TLE4: variants seen among roughly 807,000 people sequenced by gnomAD.
The protein encoded by TLE4 is transducin-like enhancer protein 4.
Under a neutral mutation model 92.8 loss-of-function variants are expected in TLE4, and 8 were observed. That is an observed-to-expected ratio of 0.09 (90% CI 0.05 to 0.16). TLE4 has a LOEUF of 0.16. Ranked by LOEUF, TLE4 falls within the 10% of genes least tolerant of loss-of-function variation. TLE4 has a pLI of 1.00. For synonymous variants in TLE4, 371 were observed against 374.1 expected (o/e 0.99, Z 0.10); for missense variants, 675 against 997.6 (o/e 0.68, Z 4.36).
At chr9:79,705,787 G>T in intron 9 of TLE4, 102 bp from the exon 10 acceptor site, 1 of 1,153,278 alleles carries the variant, frequency 8.7e-7, no homozygotes, top group Non-Finnish European at 1.3e-6. Flanking sequence ...GTTTGGTACA[G>T]CTCATCTTTA....
At chr9:79,654,100 A>G in intron 8 of TLE4, 25 bp downstream of exon 8, 1 of 1,609,262 alleles carries the variant, frequency 6.2e-7, no homozygotes, top group Non-Finnish European at 8.5e-7. Flanking sequence ...TTACAGACTA[A>G]GGAATGGCTT....
intron 8 of TLE4, 78 bp downstream of exon 8, chr9:79,654,153 T>G: frequency 7.0e-7 from 1 of 1,423,930 alleles, no homozygotes; most frequent in Non-Finnish European, 9.9e-7. Context: ...TAAAGAATTC[T>G]TTGAGATTTA....
At chr9:79,691,304 T>G (rs1331266265) in intron 8 of TLE4, among the ~76,000 whole-genome samples, 7 of 152,218 alleles carry the variant, frequency 4.6e-5, no homozygotes, top group Non-Finnish European at 1.5e-5. Context: ...TTCAGAATTT[T>G]GAAACCAGAA....
chr9:79,643,797 C>T (rs964014733), intron 6 of TLE4, among the ~76,000 whole-genome samples: 1 of 152,134 alleles, frequency 6.6e-6, no homozygotes, highest in Non-Finnish European at 1.5e-5. Flanking sequence ...GTTGTAATAT[C>T]GATGGTTGAG....
At chr9:79,682,995 AGTTT>A (rs1256927758) in intron 8 of TLE4, among the ~76,000 whole-genome samples, 1 of 152,224 alleles carries the variant, frequency 6.6e-6, no homozygotes, top group Non-Finnish European at 1.5e-5. Flanking sequence ...TCTACTTCCC[AGTTT>A]GTTTTTCTGT....
chr9:79,719,377 T>G (rs1177160225), intron 15 of TLE4, among the ~76,000 whole-genome samples: 8 of 151,940 alleles, frequency 5.3e-5, no homozygotes, highest in Non-Finnish European at 1.0e-4. Flanking sequence ...GCCTTTTCCC[T>G]TGAGTTCCTT....
At chr9:79,721,653 A>G (rs2075663796) in intron 16 of TLE4, 88 bp from the exon 17 acceptor site, 1 of 1,569,640 alleles carries the variant, frequency 6.4e-7, no homozygotes, top group Non-Finnish European at 8.7e-7. Flanking sequence ...TAAGGCCTGC[A>G]TTGAAATTGA....
chr9:79,573,496 C>G, intron 1 of TLE4, 193 bp from the exon 2 acceptor site: 1 of 904,266 alleles, frequency 1.1e-6, no homozygotes, highest in East Asian at 3.3e-5. Context: ...TGCGGGGCCC[C>G]AGGACCACCT....
At chr9:79,585,747 G>C (rs941173900) in intron 4 of TLE4, among the ~76,000 whole-genome samples, 2 of 151,924 alleles carry the variant, frequency 1.3e-5, no homozygotes, top group Admixed American at 1.3e-4. Context: ...GTGCCTAGGA[G>C]TAGAAATGTA....
At chr9:79,660,064 G>A (rs1245715852) in intron 8 of TLE4, among the ~76,000 whole-genome samples, 1 of 152,156 alleles carries the variant, frequency 6.6e-6, no homozygotes, top group Non-Finnish European at 1.5e-5. Context: ...TAAGGAAAAG[G>A]CTTTTCCTGG....
rs75426890 is a variant in TLE4 at position 79,596,866 on chromosome 9, G to T, written c.253-15790G>T. On this transcript the variant is annotated intron_variant, in intron 4 of 19. Coordinates refer to ENST00000376552, the MANE Select transcript of TLE4 (RefSeq NM_007005.6). ...TTGGAGTTTGCTTATTAAAGTCATGGTTTAGCTAGTCTAGAAATTAGAGTC... is the reference window on the plus strand; with the variant it reads ...TTGGAGTTTGCTTATTAAAGTCATGTTTTAGCTAGTCTAGAAATTAGAGTC... Among the ~76,000 whole-genome samples the T allele has an allele frequency of 6.0e-3, 914 of 152,256 alleles. 8 individuals are homozygous for T. The highest frequency in any genetic ancestry group is 0.02 in the African/African-American group (814 of 41,540).
Position 79,612,682 on chromosome 9 carries a change from T to C in TLE4, c.279T>C (p.Ala93=). 6.2e-7 allele frequency: 1 copy of C among 1,613,236 alleles called. No individual in the cohort carries two copies. Among genetic ancestry groups the C allele is most frequent in the Non-Finnish European group, 8.5e-7 (1 of 1,179,404 alleles). The stretch of plus-strand genomic sequence containing the variant: ...CAGAGATTGTCAAGAGGCTGAATGC[T>C]ATCTGTGCACAAGTCATTCCTTTCC... The part of the protein sequence containing the change: ...KQAEIVKRLN[A]ICAQVIPFLS... The change falls in exon 5 of 20, where the codon GCT becomes GCC. Residue 93 remains alanine, a synonymous_variant. Coordinates refer to ENST00000376552, the MANE Select transcript of TLE4 (RefSeq NM_007005.6).
chr9:79,647,674 T>C (rs531706224), intron 6 of TLE4, among the ~76,000 whole-genome samples: 1 of 152,180 alleles, frequency 6.6e-6, no homozygotes, highest in Non-Finnish European at 1.5e-5. Context: ...ACCTACTAAG[T>C]GTGAGAAATA....
At chr9:79,679,456 TTGA>T (rs1017960499) in intron 8 of TLE4, among the ~76,000 whole-genome samples, 15 of 152,200 alleles carry the variant, frequency 9.9e-5, no homozygotes, top group African/African-American at 3.6e-4. Flanking sequence ...CGCCCACTTG[TTGA>T]TGGGGTTGTT....
chr9:79,607,394 A>G (rs576521109), intron 4 of TLE4, among the ~76,000 whole-genome samples: 1 of 152,116 alleles, frequency 6.6e-6, no homozygotes, highest in African/African-American at 2.4e-5. Flanking sequence ...CCATTTGTCA[A>G]TTTTGGCTTC....
chr9:79,630,790 T>G (rs1426710200), intron 6 of TLE4, among the ~76,000 whole-genome samples: 1 of 152,184 alleles, frequency 6.6e-6, no homozygotes, highest in African/African-American at 2.4e-5. Flanking sequence ...ACATGCTGTG[T>G]GAATGTGGTT....
chr9:79,685,239 T>C (rs1588228174), intron 8 of TLE4, among the ~76,000 whole-genome samples: 1 of 152,220 alleles, frequency 6.6e-6, no homozygotes, highest in East Asian at 1.9e-4. Context: ...CCCTCATTCC[T>C]GCTGGGTAAT....
chr9:79,653,198 T>C (rs1461369635), intron 7 of TLE4, among the ~76,000 whole-genome samples: 1 of 152,178 alleles, frequency 6.6e-6, no homozygotes, highest in Non-Finnish European at 1.5e-5. Context: ...CAATTATTAT[T>C]TATAAACAAA....
intron 4 of TLE4, among the ~76,000 whole-genome samples, chr9:79,600,627 G>C (rs1385323896): frequency 1.3e-5 from 2 of 152,196 alleles, no homozygotes; most frequent in Non-Finnish European, 2.9e-5. Flanking sequence ...GGAATCCCAA[G>C]TTCGGTTGCC....
Sources: allele counts gnomAD v4.1 joint callset (sites outside exome capture counted in the v4.1 genomes callset), GRCh38; gene constraint gnomAD v4.1.1; transcripts MANE v1.5; gene names NCBI Gene and HGNC (gene_info 2026-07-23, HGNC 2026-07-21).